The following RTN4RL1 variants were observed in gnomAD, a reference collection of about 807,000 sequenced individuals.
The protein encoded by RTN4RL1 is reticulon-4 receptor-like 1.
RTN4RL1 carries 7 observed loss-of-function variants against 25.6 expected under a neutral mutation model. The ratio of observed to expected loss-of-function variants is 0.27; its 90% CI spans 0.16 to 0.51. RTN4RL1 has a LOEUF of 0.51. RTN4RL1 is among the 20% of genes least tolerant of loss of function. RTN4RL1 has a pLI of 0.97. For synonymous variants in RTN4RL1, 297 were observed against 288.2 expected, an observed-to-expected ratio of 1.03 and a Z score of -0.31; for missense variants, 500 against 615.6, an observed-to-expected ratio of 0.81 and a Z score of 1.99.
At chr17:1,999,050 C>T (rs1597234417) in intron 1 of RTN4RL1, among the ~76,000 whole-genome samples, 1 of 150,312 alleles carries the variant, frequency 6.7e-6, no homozygotes, top group African/African-American at 2.5e-5. Flanking sequence ...GTTCACTCGC[C>T]CCAGAGAGCT....
intron 1 of RTN4RL1, among the ~76,000 whole-genome samples, chr17:2,021,949 C>T (rs2151332232): frequency 6.6e-6 from 1 of 150,604 alleles, no homozygotes; most frequent in Middle Eastern, 3.4e-3. Flanking sequence ...GCCCCCACCT[C>T]TCAGACTCAA....
chr17:2,011,265 G>A (rs73292184), intron 1 of RTN4RL1, among the ~76,000 whole-genome samples: 52,870 of 151,600 alleles, frequency 0.35, 9,546 homozygotes, highest in East Asian at 0.55. Context: ...AAAATAAAAT[G>A]AAATGAAATA....
At chr17:1,937,877 C>T (rs1915345843) in intron 1 of RTN4RL1, 69 bp from the exon 2 acceptor site, 8 of 1,242,230 alleles carry the variant, frequency 6.4e-6, no homozygotes, top group East Asian at 2.5e-5. Flanking sequence ...CACCCTCCGG[C>T]GCCCGCCGAG....
intron 1 of RTN4RL1, among the ~76,000 whole-genome samples, chr17:1,970,602 C>T (rs2066814502): frequency 6.6e-6 from 1 of 152,178 alleles, no homozygotes; most frequent in African/African-American, 2.4e-5. Context: ...CAGCTTCCTT[C>T]CCCGCTGACA....
chr17:1,943,582 T>C (rs1017356224), intron 1 of RTN4RL1, among the ~76,000 whole-genome samples: 4 of 152,186 alleles, frequency 2.6e-5, no homozygotes, highest in Admixed American at 2.6e-4. Context: ...TCCTCCTCTC[T>C]ATGCCAGTCG....
intron 1 of RTN4RL1, among the ~76,000 whole-genome samples, chr17:1,993,677 AC>A (rs1210710788): frequency 6.6e-6 from 1 of 151,966 alleles, no homozygotes; most frequent in Non-Finnish European, 1.5e-5. Context: ...TCATCTTTGA[AC>A]CCAAGTCCCC....
Position 2,009,404 on chromosome 17 carries a change from C to T in RTN4RL1, c.13+15449G>A, listed in dbSNP as rs571767736. Among the ~76,000 whole-genome samples, 9 of 134,896 alleles carry T rather than the reference C, an allele frequency of 6.7e-5. No homozygotes were observed. In the South Asian group the frequency reaches 2.1e-3, roughly 31 times the overall value. 88.5% of individuals were successfully genotyped at this position (134,896 alleles called of 152,430 possible). On this transcript the variant is annotated intron_variant, in intron 1 of 1. Coordinates refer to ENST00000331238, the MANE Select transcript of RTN4RL1 (RefSeq NM_178568.4). ...GGTCAGGAGTTTGAGACCAGCCTGGCCAACATGGTGAATCCCATCTCTACT... is the reference window on the plus strand; with the variant it reads ...GGTCAGGAGTTTGAGACCAGCCTGGTCAACATGGTGAATCCCATCTCTACT...
At position 1,936,928 on chromosome 17, in the gene RTN4RL1, G is replaced by C. The variant is rs774535180; in HGVS notation, c.894C>G (p.Ala298=). The C allele has an allele frequency of 1.9e-5, 31 of 1,610,372 alleles. No homozygotes were observed. Among genetic ancestry groups the C allele is most frequent in the Middle Eastern group, 3.3e-4 (2 of 6,050 alleles). Reference sequence around the variant, plus strand: ...GTCCCGTGCAGTTCCGGAAGTCCTCGGCCCTCAGCAGCTTCAGGTCCTGGC... The same window carrying C: ...GTCCCGTGCAGTTCCGGAAGTCCTCCGCCCTCAGCAGCTTCAGGTCCTGGC... ...RHGQDLKLLR[A]EDFRNCTGPA... is the part of the protein sequence containing the mutation. Residue 298 remains alanine, a synonymous_variant, in exon 2 of 2, where the codon GCC becomes GCG. Transcript: ENST00000331238.
At position 1,936,474 on chromosome 17, in the gene RTN4RL1, T is replaced by C. The variant is rs890272236; in HGVS notation, c.*22A>G. 9.2e-6 allele frequency: 14 copies of C among 1,525,182 alleles called. No individual in the cohort carries two copies. Among genetic ancestry groups the C allele is most frequent in the Middle Eastern group, 3.4e-4 (2 of 5,836 alleles). The allele number at this position is 1,525,182 out of a possible 1,614,324, so 94.5% of individuals were successfully genotyped here. A position where few individuals can be genotyped will look rare whatever the true frequency, so the allele number is the denominator to read the frequency against. Reference sequence around the variant, plus strand: ...TTCCTTGGTGGACATGTGGCAGTGCTGGGTGCTGACGCCCTGGGTCCTCAG... The same window carrying C: ...TTCCTTGGTGGACATGTGGCAGTGCCGGGTGCTGACGCCCTGGGTCCTCAG... On this transcript the variant is annotated 3_prime_UTR_variant, in exon 2 of 2. Coordinates refer to ENST00000331238, the MANE Select transcript of RTN4RL1 (RefSeq NM_178568.4).
At chr17:2,013,046 G>A (rs1298706274) in intron 1 of RTN4RL1, among the ~76,000 whole-genome samples, 2 of 152,084 alleles carry the variant, frequency 1.3e-5, no homozygotes, top group African/African-American at 2.4e-5. Context: ...CGCCCTCCTC[G>A]GCCTCCCAAA....
chr17:1,999,475 CACAT>C lies in RTN4RL1; in HGVS notation c.13+25374_13+25377del, dbSNP rs201580010. On this transcript the variant is annotated intron_variant, in intron 1 of 1. Transcript: ENST00000331238. Reference sequence around the variant, plus strand: ...AAAATAAAACACACACACACACACACACATGAACTGCCCCATCCCTATCCACGTA... The same window carrying C: ...AAAATAAAACACACACACACACACACGAACTGCCCCATCCCTATCCACGTA... Among the ~76,000 whole-genome samples the C allele has an allele frequency of 2.5e-3, 376 of 152,098 alleles. 1 individual carries two copies. The highest frequency in any genetic ancestry group is 0.022 in the East Asian group (114 of 5,166).
rs572146631 is a variant in RTN4RL1, at chr17:2,000,446, G to A, written c.13+24407C>T. Among the ~76,000 whole-genome samples the A allele has an allele frequency of 5.9e-5, 9 of 152,138 alleles. No individual in the cohort carries two copies. In the East Asian group the frequency reaches 1.7e-3, roughly 29 times the overall value. On this transcript the variant is annotated intron_variant, in intron 1 of 1. Coordinates refer to ENST00000331238, the MANE Select transcript of RTN4RL1 (RefSeq NM_178568.4). ...CTACCTCCACCTCCTGGGTTCTAGCGATTCTCAAGTCTCAGCCTCCCGAGT... is the reference window on the plus strand; with the variant it reads ...CTACCTCCACCTCCTGGGTTCTAGCAATTCTCAAGTCTCAGCCTCCCGAGT...
intron 1 of RTN4RL1, among the ~76,000 whole-genome samples, chr17:2,005,125 C>T (rs1362648413): frequency 6.6e-6 from 1 of 152,214 alleles, no homozygotes; most frequent in Non-Finnish European, 1.5e-5. Flanking sequence ...CCTACCTCAG[C>T]CTCTCCAGTG....
intron 1 of RTN4RL1, among the ~76,000 whole-genome samples, chr17:1,959,996 G>A (rs186612638): frequency 2.2e-4 from 33 of 149,140 alleles, no homozygotes; most frequent in African/African-American, 8.1e-4. Flanking sequence ...CTCAAACTCC[G>A]ATTGTCCTGT....
At chr17:2,011,155 G>A (rs2067044683) in intron 1 of RTN4RL1, among the ~76,000 whole-genome samples, 1 of 152,206 alleles carries the variant, frequency 6.6e-6, no homozygotes, top group African/African-American at 2.4e-5. Context: ...GGAGGCTGAG[G>A]CAGGAGAATG....
chr17:2,002,769 G>A (rs2066968242), intron 1 of RTN4RL1, among the ~76,000 whole-genome samples: 1 of 152,130 alleles, frequency 6.6e-6, no homozygotes, highest in South Asian at 2.1e-4. Flanking sequence ...CCCAGTGGGG[G>A]GCAGAGGGAA....
chr17:1,998,498 C>T lies in RTN4RL1; in HGVS notation c.13+26355G>A, dbSNP rs1268575905. On this transcript the variant is annotated intron_variant, in intron 1 of 1. Coordinates refer to ENST00000331238, the MANE Select transcript of RTN4RL1 (RefSeq NM_178568.4). This position sits in a 1 kb window ranked among gnomAD's most constrained non-coding sequence, Gnocchi z 4.9. ...GCTCGGGTCGGGCCTCCCCTCCCCG[C>T]GGCTGCCCCCGGGCCGGCCACCGCT... Among the ~76,000 whole-genome samples, 1 of 151,988 alleles carries T rather than the reference C, an allele frequency of 6.6e-6. No homozygotes were observed. Among genetic ancestry groups the T allele is most frequent in the Non-Finnish European group, 1.5e-5 (1 of 67,950 alleles).
intron 1 of RTN4RL1, among the ~76,000 whole-genome samples, chr17:1,990,443 C>T (rs2066904120): frequency 6.6e-6 from 1 of 152,034 alleles, no homozygotes; most frequent in Non-Finnish European, 1.5e-5. Flanking sequence ...CATCTGTAGT[C>T]CCAGAACCTT....
chr17:1,982,257 C>T (rs1339064175), intron 1 of RTN4RL1, among the ~76,000 whole-genome samples: 5 of 151,964 alleles, frequency 3.3e-5, no homozygotes, highest in African/African-American at 9.7e-5. Context: ...GCTGAGATCA[C>T]GCCACTCCAC....
Sources: gnomAD v4.1 joint callset for allele counts (sites outside exome capture counted in the v4.1 genomes callset) on GRCh38, gnomAD v4.1.1 for gene constraint, Gnocchi (gnomAD v3.1) non-coding constraint, MANE v1.5 for transcripts, NCBI Gene and HGNC (gene_info 2026-07-23, HGNC 2026-07-21) for gene names.